Variants in FAT4 observed in about 807,000 individuals in gnomAD.
FAT4 encodes the protein protocadherin Fat 4.
FAT4 carries 84 observed loss-of-function variants against 303.9 expected under a neutral mutation model. The observed-to-expected ratio is 0.28, with a 90% confidence interval of 0.23 to 0.33. The LOEUF (loss-of-function observed/expected upper bound fraction) is 0.33, where lower values mean the gene tolerates loss of function less well. FAT4 is among the 10% of genes least tolerant of loss of function. The pLI is 1.00. For missense variants in FAT4, 6,005 were observed against 6,146.8 expected, an observed-to-expected ratio of 0.98 and a Z score of 0.77; for synonymous variants, 2,307 against 2,298.8, an observed-to-expected ratio of 1.00 and a Z score of -0.10.
intron 7 of FAT4, among the ~76,000 whole-genome samples, chr4:125,429,734 A>G (rs886673172): frequency 1.3e-5 from 2 of 152,210 alleles, no homozygotes; most frequent in Non-Finnish European, 2.9e-5. Flanking sequence ...AGATATAAAT[A>G]TATGAGCAAG....
At chr4:125,398,286 G>T (rs1348691993) in intron 2 of FAT4, among the ~76,000 whole-genome samples, 1 of 152,126 alleles carries the variant, frequency 6.6e-6, no homozygotes, top group African/African-American at 2.4e-5. Flanking sequence ...TCCCATTAAA[G>T]GTTGAGCGTG....
At chr4:125,482,193 A>T (rs1727254830) in intron 16 of FAT4, among the ~76,000 whole-genome samples, 1 of 152,206 alleles carries the variant, frequency 6.6e-6, no homozygotes, top group Non-Finnish European at 1.5e-5. Context: ...AAGCAAAAAC[A>T]TTTTGAAATT....
At chr4:125,387,091 G>A (rs116168339) in intron 2 of FAT4, among the ~76,000 whole-genome samples, 2 of 152,258 alleles carry the variant, frequency 1.3e-5, no homozygotes, top group African/African-American at 4.8e-5. Context: ...AGGCAGTAAC[G>A]CTCACTTGCC....
chr4:125,369,282 T>C (rs7690603), intron 2 of FAT4, among the ~76,000 whole-genome samples: 27,413 of 152,002 alleles, frequency 0.18, 3,132 homozygotes, highest in African/African-American at 0.33. Flanking sequence ...AGGGAACAAC[T>C]GTCTTCAGTG....
Position 125,452,443 on chromosome 4 carries a change from C to A in FAT4, c.11433C>A (p.Gly3811=), listed in dbSNP as rs745493605. The part of the protein sequence containing the change: ...ESVDHDSCVH[G]PCQNGGSCLR... ...TGGATCATGACTCCTGTGTGCATGGCCCATGTCAGAATGGAGGGAGCTGTC... is the reference window on the plus strand; with the variant it reads ...TGGATCATGACTCCTGTGTGCATGGACCATGTCAGAATGGAGGGAGCTGTC... Residue 3811 remains glycine, a synonymous_variant, in exon 10 of 18, where the codon GGC becomes GGA. Transcript: ENST00000394329. The A allele has an allele frequency of 1.2e-6, 2 of 1,613,976 alleles. No homozygotes were observed. Among genetic ancestry groups the A allele is most frequent in the Non-Finnish European group, 1.7e-6 (2 of 1,180,024 alleles).
At chr4:125,363,817 A>C (rs940050365) in intron 2 of FAT4, among the ~76,000 whole-genome samples, 1 of 151,918 alleles carries the variant, frequency 6.6e-6, no homozygotes, top group Non-Finnish European at 1.5e-5. Flanking sequence ...TTAAAACTAG[A>C]TTTGATTTTG....
At chr4:125,409,076 A>G (rs1473528358) in intron 5 of FAT4, among the ~76,000 whole-genome samples, 1 of 152,080 alleles carries the variant, frequency 6.6e-6, no homozygotes, top group Non-Finnish European at 1.5e-5. Flanking sequence ...AGCAATGTAG[A>G]AGTCATAAGA....
chr4:125,344,176 G>C (rs539156082), intron 2 of FAT4, among the ~76,000 whole-genome samples: 26 of 152,254 alleles, frequency 1.7e-4, no homozygotes, highest in African/African-American at 6.3e-4. Flanking sequence ...TTTGGATTTC[G>C]AATAAGATTA....
chr4:125,488,517 G>T (rs1315159378), intron 17 of FAT4, among the ~76,000 whole-genome samples: 1 of 152,114 alleles, frequency 6.6e-6, no homozygotes, highest in Admixed American at 6.5e-5. Flanking sequence ...AGAAAGAAAT[G>T]GATAGGCAAG....
chr4:125,334,176 T>C (rs1221087033), intron 2 of FAT4, among the ~76,000 whole-genome samples: 1 of 152,050 alleles, frequency 6.6e-6, no homozygotes, highest in Non-Finnish European at 1.5e-5. Flanking sequence ...AGGCTACAGC[T>C]TCCTCATGAT....
At chr4:125,379,715 C>T (rs1474427711) in intron 2 of FAT4, among the ~76,000 whole-genome samples, 3 of 152,038 alleles carry the variant, frequency 2.0e-5, no homozygotes, top group Non-Finnish European at 4.4e-5. Context: ...CCACCTCGGC[C>T]TCCCAAAGTG....
At chr4:125,341,174 A>T (rs1731778399) in intron 2 of FAT4, among the ~76,000 whole-genome samples, 2 of 152,316 alleles carry the variant, frequency 1.3e-5, no homozygotes, top group Admixed American at 1.3e-4. Context: ...TCTGAAAGAT[A>T]TGCAAGAAAA....
chr4:125,363,736 C>T (rs1435390593), intron 2 of FAT4, among the ~76,000 whole-genome samples: 5 of 152,008 alleles, frequency 3.3e-5, no homozygotes, highest in Non-Finnish European at 4.4e-5. Flanking sequence ...CCTCATGATC[C>T]GTCCACCTTG....
rs540132746 is a variant in FAT4, at chr4:125,333,562, A to C, written c.5175+11976A>C. Among the ~76,000 whole-genome samples the C allele has an allele frequency of 5.9e-5, 9 of 152,308 alleles. No individual in the cohort carries two copies. In the South Asian group the frequency reaches 1.7e-3, roughly 28 times the overall value. On this transcript the variant is annotated intron_variant, in intron 2 of 17. Transcript: ENST00000394329. ...TTAATATTTTATAACCAAAGCAAGA[A>C]TATCCCTACTGGGTTTTTTCACATT...
In FAT4 at chr4:125,491,143, T is replaced by A. The variant is rs1727622244; in HGVS notation, c.14327T>A (p.Ile4776Asn). ...CCAGGGAGTCGCCTAAAGCAGCCGATTGGGCAGATTCCACTGGAATCTTCT... is the reference window on the plus strand; with the variant it reads ...CCAGGGAGTCGCCTAAAGCAGCCGAATGGGCAGATTCCACTGGAATCTTCT... ...SRPGSRLKQP[I>N]GQIPLESSPP... The change falls in exon 18 of 18, where the codon ATT (isoleucine) becomes AAT (asparagine). Residue 4776 changes from isoleucine (I) to asparagine (N), a missense_variant. Transcript: ENST00000394329. 6.2e-7 allele frequency: 1 copy of A among 1,614,016 alleles called. No homozygotes were observed. The highest frequency in any genetic ancestry group is 1.3e-5 in the African/African-American group (1 of 74,930).
chr4:125,490,732 A>G lies in FAT4; in HGVS notation c.13916A>G (p.Gln4639Arg), dbSNP rs1727600305. Residue 4639 changes from glutamine to arginine, a missense_variant, in exon 18 of 18, where the codon CAA (glutamine) becomes CGA (arginine). Coordinates refer to ENST00000394329, the MANE Select transcript of FAT4 (RefSeq NM_001291303.3). ...SIAPSDADIIQHYKQFRSHTP... is the reference protein window; with the variant it reads ...SIAPSDADIIRHYKQFRSHTP... Reference sequence around the variant, plus strand: ...GCCCCTTCGGATGCAGACATCATTCAACACTACAAGCAGTTCCGCAGCCAC... The same window carrying G: ...GCCCCTTCGGATGCAGACATCATTCGACACTACAAGCAGTTCCGCAGCCAC... 6.2e-7 allele frequency: 1 copy of G among 1,614,024 alleles called. No homozygotes were observed. Among genetic ancestry groups the G allele is most frequent in the African/African-American group, 1.3e-5 (1 of 74,912 alleles).
intron 2 of FAT4, among the ~76,000 whole-genome samples, chr4:125,390,744 G>T (rs553090467): frequency 6.6e-6 from 1 of 152,158 alleles, no homozygotes; most frequent in African/African-American, 2.4e-5. Flanking sequence ...GGTGTTTAGT[G>T]TAGCAGCTTT....
At chr4:125,442,628 T>C (rs775052578) in intron 8 of FAT4, among the ~76,000 whole-genome samples, 1 of 152,156 alleles carries the variant, frequency 6.6e-6, no homozygotes, top group Non-Finnish European at 1.5e-5. Flanking sequence ...CTTCTGGCTA[T>C]GTATATGAGG....
chr4:125,376,429 G>A (rs1234005502), intron 2 of FAT4, among the ~76,000 whole-genome samples: 2 of 151,906 alleles, frequency 1.3e-5, no homozygotes, highest in Non-Finnish European at 2.9e-5. Context: ...ACCGGGGCCT[G>A]TCGTGACCGG....
Sources: allele counts gnomAD v4.1 joint callset (sites outside exome capture counted in the v4.1 genomes callset), GRCh38; gene constraint gnomAD v4.1.1; transcripts MANE v1.5; gene names NCBI Gene and HGNC (gene_info 2026-07-23, HGNC 2026-07-21).